The following KIAA0825 variants were observed in gnomAD, a reference collection of about 807,000 sequenced individuals.
KIAA0825 encodes the protein uncharacterized protein KIAA0825.
Under a neutral mutation model 147.6 loss-of-function variants are expected in KIAA0825, and 119 were observed. That is an observed-to-expected ratio of 0.81 (90% confidence interval 0.69 to 0.94). KIAA0825 has a LOEUF of 0.94. KIAA0825 is among the 40% of genes least tolerant of loss of function. The pLI, the probability that KIAA0825 is intolerant of heterozygous loss-of-function variation, is 0.00. For synonymous variants in KIAA0825, 470 were observed against 518.1 expected (o/e 0.91, Z 1.26); for missense variants, 1,381 against 1,472.7 (o/e 0.94, Z 1.02).
intron 20 of KIAA0825, among the ~76,000 whole-genome samples, chr5:94,279,749 T>G (rs1777378044): frequency 6.6e-6 from 1 of 152,052 alleles, no homozygotes; most frequent in Non-Finnish European, 1.5e-5. Flanking sequence ...GGATCAGTTA[T>G]CTGTCTTTGA....
chr5:94,391,513 G>T, intron 18 of KIAA0825, 22 bp downstream of exon 18: 3 of 1,551,216 alleles, frequency 1.9e-6, no homozygotes, highest in South Asian at 1.2e-5. Flanking sequence ...CTAATTGCTC[G>T]ATAAAAAGGC....
intron 15 of KIAA0825, among the ~76,000 whole-genome samples, chr5:94,404,425 T>C (rs1751782444): frequency 6.6e-6 from 1 of 152,082 alleles, no homozygotes; most frequent in Non-Finnish European, 1.5e-5. Context: ...GAATTTCAGT[T>C]ATATTTTTTC....
chr5:94,353,834 G>A (rs1010061081), intron 20 of KIAA0825, among the ~76,000 whole-genome samples: 2 of 152,116 alleles, frequency 1.3e-5, no homozygotes, highest in East Asian at 1.9e-4. Context: ...CAAATGTCTT[G>A]AGATTAATAT....
At chr5:94,567,022 G>C (rs1269147692) in intron 2 of KIAA0825, among the ~76,000 whole-genome samples, 2 of 152,108 alleles carry the variant, frequency 1.3e-5, no homozygotes, top group African/African-American at 4.8e-5. Flanking sequence ...ACCTTTCTCA[G>C]TTTAACATCA....
chr5:94,310,168 A>G (rs1186646375), intron 20 of KIAA0825, among the ~76,000 whole-genome samples: 1 of 151,726 alleles, frequency 6.6e-6, no homozygotes, highest in African/African-American at 2.4e-5. Flanking sequence ...ATCCTTTGGA[A>G]AATAGATAAA....
intron 13 of KIAA0825, among the ~76,000 whole-genome samples, chr5:94,444,709 T>C (rs1459296545): frequency 6.6e-6 from 1 of 152,098 alleles, no homozygotes; most frequent in Non-Finnish European, 1.5e-5. Context: ...CCTGTCCTGC[T>C]AAGTCCACTG....
At position 94,279,990 on chromosome 5, in the gene KIAA0825, G is replaced by C. The variant is rs558006930; in HGVS notation, c.3710+104378C>G. Among the ~76,000 whole-genome samples, 5 of 152,186 alleles carry C rather than the reference G, an allele frequency of 3.3e-5. No homozygotes were observed. In the South Asian group the frequency reaches 1.0e-3, roughly 32 times the overall value. On this transcript the variant is annotated intron_variant, in intron 20 of 20. Coordinates refer to ENST00000682413, the MANE Select transcript of KIAA0825 (RefSeq NM_001145678.3). ...GGACAGCATGAATGAAGACCCAGGG[G>C]ATAAAAAGCATCAAACGATATCTTT...
chr5:94,511,186 T>C (rs1206521854), intron 5 of KIAA0825, among the ~76,000 whole-genome samples: 5 of 152,204 alleles, frequency 3.3e-5, no homozygotes, highest in Non-Finnish European at 7.3e-5. Flanking sequence ...ACCGGTGCCT[T>C]GATCTTGAAC....
chr5:94,234,392 T>C (rs1430273139), intron 20 of KIAA0825, among the ~76,000 whole-genome samples: 1 of 149,716 alleles, frequency 6.7e-6, no homozygotes. Flanking sequence ...AAAATAAAAA[T>C]AAAAATAAAA....
intron 20 of KIAA0825, among the ~76,000 whole-genome samples, chr5:94,333,509 T>C (rs1781490402): frequency 6.6e-6 from 1 of 152,192 alleles, no homozygotes; most frequent in African/African-American, 2.4e-5. Flanking sequence ...CTTGTTTTTG[T>C]CAGGTTTGTC....
In KIAA0825 at chr5:94,558,252, G is replaced by A. The variant is rs140495503; in HGVS notation, c.-1-21125C>T. 9.3e-3 allele frequency among the ~76,000 whole-genome samples: 1,418 copies of A among 152,174 alleles called. 30 individuals are homozygous for A. Among genetic ancestry groups the A allele is most frequent in the African/African-American group, 0.033 (1,354 of 41,514 alleles). ...CCTGCCACCATTTTGGAAACAGCCC[G>A]CCACCATCTTGGGAGCTCTGGGAGC... is the stretch of plus-strand genomic sequence containing the variant. On this transcript the variant is annotated intron_variant, in intron 2 of 20. Coordinates refer to ENST00000682413, the MANE Select transcript of KIAA0825 (RefSeq NM_001145678.3).
chr5:94,452,742 C>T (rs373860375), intron 13 of KIAA0825, among the ~76,000 whole-genome samples: 7 of 152,084 alleles, frequency 4.6e-5, no homozygotes, highest in Middle Eastern at 3.2e-3. Flanking sequence ...CATTACATCA[C>T]GAAAGCTATA....
intron 2 of KIAA0825, among the ~76,000 whole-genome samples, chr5:94,538,782 T>C: frequency 6.6e-6 from 1 of 152,238 alleles, no homozygotes; most frequent in Admixed American, 6.5e-5. Context: ...AGCAGGAATG[T>C]TGATTCAGAC....
At chr5:94,554,797 ATAT>A (rs947267434) in intron 2 of KIAA0825, among the ~76,000 whole-genome samples, 4 of 142,284 alleles carry the variant, frequency 2.8e-5, no homozygotes, top group South Asian at 4.4e-4. Flanking sequence ...CAGATAGATA[ATAT>A]TATAATCTTA....
intron 7 of KIAA0825, among the ~76,000 whole-genome samples, chr5:94,476,599 C>CCTTCCATGAGGT (rs903422076): frequency 6.6e-6 from 1 of 152,124 alleles, no homozygotes; most frequent in Non-Finnish European, 1.5e-5. Context: ...TCCATCAATG[C>CCTTCCATGAGGT]CTTCCATGAG....
Position 94,473,530 on chromosome 5 carries a change from A to G in KIAA0825, c.1228-11T>C. The G allele has an allele frequency of 6.7e-7, 1 of 1,484,658 alleles. No individual in the cohort carries two copies. Among genetic ancestry groups the G allele is most frequent in the African/African-American group, 1.4e-5 (1 of 71,740 alleles). 92.0% of individuals were successfully genotyped at this position (1,484,658 alleles called of 1,614,324 possible). A position where few individuals can be genotyped will look rare whatever the true frequency, so the allele number is the denominator to read the frequency against. On this transcript the variant is annotated splice_polypyrimidine_tract_variant and intron_variant, in intron 7 of 20. Transcript: ENST00000682413. ...ATCTAGTAAGGTAGCCTGAAATATCAATGTATATGAAGTCATGTTAATCTT... is the reference window on the plus strand; with the variant it reads ...ATCTAGTAAGGTAGCCTGAAATATCGATGTATATGAAGTCATGTTAATCTT...
chr5:94,281,586 C>T (rs1266860194), intron 20 of KIAA0825, among the ~76,000 whole-genome samples: 1 of 152,046 alleles, frequency 6.6e-6, no homozygotes, highest in African/African-American at 2.4e-5. Context: ...AACCTCAGCA[C>T]TATTGAAAGT....
intron 13 of KIAA0825, among the ~76,000 whole-genome samples, chr5:94,448,088 C>T (rs765221879): frequency 1.3e-5 from 2 of 151,258 alleles, no homozygotes; most frequent in Non-Finnish European, 2.9e-5. Flanking sequence ...CTTTCTTGAA[C>T]ATTTCTATGA....
chr5:94,550,426 T>C (rs1381183512), intron 2 of KIAA0825, among the ~76,000 whole-genome samples: 2 of 152,196 alleles, frequency 1.3e-5, no homozygotes, highest in Non-Finnish European at 2.9e-5. Flanking sequence ...AAGACCCATC[T>C]ATAGGAATAA....
Sources: gnomAD v4.1 joint callset for allele counts (sites outside exome capture counted in the v4.1 genomes callset) on GRCh38, gnomAD v4.1.1 for gene constraint, MANE v1.5 for transcripts, NCBI Gene and HGNC (gene_info 2026-07-23, HGNC 2026-07-21) for gene names.